Variants in DOCK9 observed in about 807,000 individuals in gnomAD.
DOCK9 encodes the protein dedicator of cytokinesis 9.
Under a neutral mutation model 263.3 loss-of-function variants are expected in DOCK9, and 89 were observed. That is an observed-to-expected ratio of 0.34 (90% confidence interval 0.28 to 0.40). The LOEUF (loss-of-function observed/expected upper bound fraction) is 0.40. Ranked by LOEUF, DOCK9 falls within the 10% of genes least tolerant of loss-of-function variation. The pLI is 1.00. For missense variants in DOCK9, 2,140 were observed against 2,603.4 expected (o/e 0.82, Z 3.87); for synonymous variants, 976 against 973.1 (o/e 1.00, Z -0.06).
intron 9 of DOCK9, among the ~76,000 whole-genome samples, chr13:98,910,731 G>C (rs142782363): frequency 2.6e-5 from 4 of 152,194 alleles, no homozygotes; most frequent in Admixed American, 6.5e-5. Context: ...CATTGTTCTA[G>C]GCCCTTCTTT....
chr13:98,986,567 C>T (rs1358564941), intron 1 of DOCK9, among the ~76,000 whole-genome samples: 1 of 152,206 alleles, frequency 6.6e-6, no homozygotes, highest in Non-Finnish European at 1.5e-5. Flanking sequence ...TGGAAGTCCC[C>T]TCTTCTAAAA....
At chr13:98,894,543 T>A (rs2047090549) in intron 15 of DOCK9, among the ~76,000 whole-genome samples, 1 of 152,152 alleles carries the variant, frequency 6.6e-6, no homozygotes, top group Non-Finnish European at 1.5e-5. Context: ...GTATTCACTT[T>A]CCTAAGTACA....
rs190745416 is a variant in DOCK9 at position 98,876,217 on chromosome 13, C to T, written c.2943+3681G>A. Reference sequence around the variant, plus strand: ...TTCAAGAAAGGTTCCCTTGGCTGGGCGCGGTGGCTCACGCCTGTAATCCCA... The same window carrying T: ...TTCAAGAAAGGTTCCCTTGGCTGGGTGCGGTGGCTCACGCCTGTAATCCCA... On this transcript the variant is annotated intron_variant, in intron 27 of 52. Transcript: ENST00000682017. Among the ~76,000 whole-genome samples the T allele has an allele frequency of 7.2e-4, 109 of 152,278 alleles. 1 individual carries two copies. The South Asian group carries it at 0.02, about 28-fold the overall frequency.
intron 1 of DOCK9, among the ~76,000 whole-genome samples, chr13:99,072,451 CTT>C (rs80247744): frequency 0.024 from 3,622 of 152,248 alleles, 79 homozygotes; most frequent in East Asian, 0.11. Context: ...AAGGCACTCT[CTT>C]GTTTGCAAGG....
chr13:99,005,034 T>C (rs1326968253), intron 1 of DOCK9, among the ~76,000 whole-genome samples: 2 of 152,004 alleles, frequency 1.3e-5, no homozygotes, highest in African/African-American at 2.4e-5. Context: ...GCTTATATTT[T>C]GCTGGGACTT....
chr13:98,853,308 T>G, intron 35 of DOCK9, 100 bp downstream of exon 35: 1 of 720,742 alleles, frequency 1.4e-6, no homozygotes, highest in South Asian at 2.3e-5. Flanking sequence ...AACAAGAAAA[T>G]CCTTTGAAAT....
intron 1 of DOCK9, among the ~76,000 whole-genome samples, chr13:99,074,641 G>A (rs1374665590): frequency 6.6e-6 from 1 of 151,928 alleles, no homozygotes; most frequent in East Asian, 1.9e-4. Flanking sequence ...CAACAGATGA[G>A]CCAATCAATA....
chr13:98,994,635 T>C (rs1249360246), intron 1 of DOCK9, among the ~76,000 whole-genome samples: 5 of 152,062 alleles, frequency 3.3e-5, no homozygotes, highest in Admixed American at 3.3e-4. Flanking sequence ...TAATCAGATA[T>C]GAGTGTATAT....
intron 1 of DOCK9, among the ~76,000 whole-genome samples, chr13:99,005,063 G>A (rs887572431): frequency 2.0e-5 from 3 of 151,030 alleles, no homozygotes; most frequent in Non-Finnish European, 2.9e-5. Context: ...AGCAAAGACC[G>A]GATATACCAA....
intron 7 of DOCK9, among the ~76,000 whole-genome samples, chr13:98,919,310 A>G (rs1444347966): frequency 6.6e-6 from 1 of 152,036 alleles, no homozygotes; most frequent in African/African-American, 2.4e-5. Context: ...GGGTTTCACC[A>G]TGTTGGTCAG....
intron 2 of DOCK9, among the ~76,000 whole-genome samples, chr13:98,951,191 A>C (rs1001275370): frequency 6.6e-6 from 1 of 152,220 alleles, no homozygotes; most frequent in Non-Finnish European, 1.5e-5. Context: ...AAGGTTTATT[A>C]ATCACTAGGA....
chr13:99,003,775 G>C (rs140625878), intron 1 of DOCK9, among the ~76,000 whole-genome samples: 15 of 152,260 alleles, frequency 9.9e-5, no homozygotes, highest in African/African-American at 3.6e-4. Context: ...CTCCTCACTA[G>C]TGTTCCTGTC....
chr13:98,957,463 ATG>A (rs2058181649), intron 1 of DOCK9, among the ~76,000 whole-genome samples: 1 of 152,188 alleles, frequency 6.6e-6, no homozygotes, highest in Admixed American at 6.5e-5. Context: ...TAAGTAAAAT[ATG>A]TGCTATGTGG....
chr13:98,809,072 A>G, intron 47 of DOCK9: 2 of 1,530,726 alleles, frequency 1.3e-6, no homozygotes, highest in Non-Finnish European at 1.8e-6. Context: ...TGCAAACCAC[A>G]CTGAAGTACC....
At chr13:98,904,541 TAAAC>T in intron 10 of DOCK9, 87 bp downstream of exon 10, 3 of 1,047,454 alleles carry the variant, frequency 2.9e-6, no homozygotes, top group South Asian at 1.7e-5. Flanking sequence ...TTTTCCAAAA[TAAAC>T]AAAGCAAACA....
At chr13:98,830,921 C>G (rs895391804) in intron 41 of DOCK9, among the ~76,000 whole-genome samples, 1 of 152,210 alleles carries the variant, frequency 6.6e-6, no homozygotes, top group Admixed American at 6.5e-5. Context: ...CAAGTTTGGT[C>G]ATTATCTTGG....
At chr13:98,904,148 T>C (rs555323621) in intron 10 of DOCK9, among the ~76,000 whole-genome samples, 94 of 152,350 alleles carry the variant, frequency 6.2e-4, no homozygotes, top group Non-Finnish European at 1.2e-3. Context: ...TTTACAATGA[T>C]AAACAAAAAC....
chr13:98,904,647 C>T lies in DOCK9; in HGVS notation c.1020G>A (p.Leu340=). Reference sequence around the variant, plus strand: ...TAGTTCTTACCTGGGCATCTGGGTCCAAATAAAAAAGTTTGACTCTGCTTT... The same window carrying T: ...TAGTTCTTACCTGGGCATCTGGGTCTAAATAAAAAAGTTTGACTCTGCTTT... ...KSESRVKLFY[L]DPDAQKLDFS... The change falls in exon 10 of 53, where the codon TTG becomes TTA. Residue 340 remains leucine (L), a synonymous_variant. Transcript: ENST00000682017. The T allele has an allele frequency of 1.3e-6, 2 of 1,556,558 alleles. No homozygotes were observed. Among genetic ancestry groups the T allele is most frequent in the Non-Finnish European group, 8.7e-7 (1 of 1,149,016 alleles).
At chr13:99,063,903 G>A (rs1160217563) in intron 1 of DOCK9, among the ~76,000 whole-genome samples, 5 of 151,788 alleles carry the variant, frequency 3.3e-5, no homozygotes, top group Non-Finnish European at 5.9e-5. Flanking sequence ...CAACCTGTCC[G>A]CAGGTTTCAC....
Sources: allele counts gnomAD v4.1 joint callset (sites outside exome capture counted in the v4.1 genomes callset), GRCh38; gene constraint gnomAD v4.1.1; transcripts MANE v1.5; gene names NCBI Gene and HGNC (gene_info 2026-07-23, HGNC 2026-07-21).